The following DLC1 variants were observed in gnomAD, a reference collection of about 807,000 sequenced individuals.
The protein encoded by DLC1 is DLC1 Rho GTPase activating protein.
Under a neutral mutation model 140.3 loss-of-function variants are expected in DLC1, and 54 were observed. The observed-to-expected ratio is 0.38, with a 90% CI of 0.31 to 0.48. The LOEUF (loss-of-function observed/expected upper bound fraction) is 0.48, where lower values mean the gene tolerates loss of function less well. Ranked by LOEUF, DLC1 falls within the 20% of genes least tolerant of loss-of-function variation. DLC1 has a pLI of 0.96. For synonymous variants in DLC1, 986 were observed against 728.1 expected, an observed-to-expected ratio of 1.35 and a Z score of -5.70; for missense variants, 2,536 against 1,907.0, an observed-to-expected ratio of 1.33 and a Z score of -6.14.
intron 7 of DLC1, among the ~76,000 whole-genome samples, chr8:13,104,038 C>G (rs1819341099): frequency 6.6e-6 from 1 of 152,042 alleles, no homozygotes; most frequent in South Asian, 2.1e-4. Context: ...CTTGGACAGC[C>G]TGTCTAAAAT....
chr8:13,484,734 G>C (rs963131480), intron 2 of DLC1, among the ~76,000 whole-genome samples: 2 of 151,988 alleles, frequency 1.3e-5, no homozygotes, highest in Non-Finnish European at 2.9e-5. Flanking sequence ...GGCAGCAACA[G>C]TAGGCAAGGT....
At chr8:13,491,140 TA>T (rs1240432873) in intron 2 of DLC1, among the ~76,000 whole-genome samples, 2 of 149,762 alleles carry the variant, frequency 1.3e-5, no homozygotes, top group African/African-American at 2.4e-5. Context: ...TTTTTATATA[TA>T]TATAGCCTTA....
At chr8:13,529,059 A>G (rs1341589326) in intron 1 of DLC1, among the ~76,000 whole-genome samples, 3 of 152,232 alleles carry the variant, frequency 2.0e-5, no homozygotes, top group Non-Finnish European at 4.4e-5. Flanking sequence ...TTTATTACTC[A>G]ACGAGAAGAA....
At chr8:13,367,757 C>T (rs1247225389) in intron 4 of DLC1, among the ~76,000 whole-genome samples, 6 of 152,108 alleles carry the variant, frequency 3.9e-5, no homozygotes, top group African/African-American at 1.4e-4. Context: ...TGGTCAATTT[C>T]AGGATGAATT....
At chr8:13,208,958 C>T (rs1307255357) in intron 5 of DLC1, among the ~76,000 whole-genome samples, 2 of 152,066 alleles carry the variant, frequency 1.3e-5, no homozygotes, top group Non-Finnish European at 2.9e-5. Context: ...AATTGTATTC[C>T]ACACATGACT....
intron 1 of DLC1, among the ~76,000 whole-genome samples, chr8:13,602,864 A>G (rs1037161644): frequency 6.6e-6 from 1 of 151,934 alleles, no homozygotes; most frequent in African/African-American, 2.4e-5. Flanking sequence ...GTTTATTGAG[A>G]TGAAAGTATC....
chr8:13,577,932 G>A (rs934413775), intron 1 of DLC1, among the ~76,000 whole-genome samples: 2 of 152,048 alleles, frequency 1.3e-5, no homozygotes, highest in African/African-American at 4.8e-5. Flanking sequence ...CCTTGGATGT[G>A]CCACAGGAGG....
intron 4 of DLC1, among the ~76,000 whole-genome samples, chr8:13,312,360 CAAAAAA>C (rs777597726): frequency 5.0e-3 from 33 of 6,640 alleles, no homozygotes; most frequent in Non-Finnish European, 9.5e-3. Context: ...GACTCCGTCT[CAAAAAA>C]AAAAAAAAAA....
At chr8:13,601,019 G>A (rs1331502431) in intron 1 of DLC1, among the ~76,000 whole-genome samples, 1 of 151,442 alleles carries the variant, frequency 6.6e-6, no homozygotes, top group African/African-American at 2.4e-5. Context: ...TTTATTTTGA[G>A]TCTCATAAAC....
chr8:13,582,625 G>T (rs1805146676), intron 1 of DLC1, among the ~76,000 whole-genome samples: 1 of 151,804 alleles, frequency 6.6e-6, no homozygotes, highest in African/African-American at 2.4e-5. Context: ...TTGCTCTTTA[G>T]CCTGCAAACG....
intron 5 of DLC1, among the ~76,000 whole-genome samples, chr8:13,166,706 A>G (rs143578243): frequency 3.3e-3 from 502 of 152,098 alleles, no homozygotes; most frequent in African/African-American, 0.011. Context: ...AAATAAGCCA[A>G]CTTATTTAAA....
rs1801743364 is a variant in DLC1, at chr8:13,500,164, C to CA, written c.-94dup. ...GAAAGATTATTTCAAAATCACCAATCAAAGAAGCGAATGAGTTCTGTCATT... is the reference window on the plus strand; with the variant it reads ...GAAAGATTATTTCAAAATCACCAATCAAAAGAAGCGAATGAGTTCTGTCATT... On this transcript the variant is annotated 5_prime_UTR_variant, in exon 2 of 18. The change creates a premature stop within an existing upstream ORF in the 5' untranslated region. Coordinates refer to ENST00000276297, the MANE Select transcript of DLC1 (RefSeq NM_182643.3). The CA allele has an allele frequency of 8.4e-7, 1 of 1,185,658 alleles. No homozygotes were observed. The highest frequency in any genetic ancestry group is 2.3e-5 in the Admixed American group (1 of 43,446). 73.4% of individuals were successfully genotyped at this position (1,185,658 alleles called of 1,614,324 possible). A position where few individuals can be genotyped will look rare whatever the true frequency, so the allele number is the denominator to read the frequency against.
At chr8:13,366,331 C>T (rs769653298) in intron 4 of DLC1, among the ~76,000 whole-genome samples, 6 of 152,138 alleles carry the variant, frequency 3.9e-5, no homozygotes, top group Non-Finnish European at 5.9e-5. Flanking sequence ...ACATGCCTGG[C>T]GCTGTCCTAA....
chr8:13,353,523 C>G (rs997019113), intron 4 of DLC1: 1 of 152,008 alleles, frequency 6.6e-6, no homozygotes, highest in African/African-American at 2.4e-5. Context: ...AAATTTGTAA[C>G]CTATAATATC....
At chr8:13,368,109 A>G (rs963864339) in intron 4 of DLC1, among the ~76,000 whole-genome samples, 2 of 152,184 alleles carry the variant, frequency 1.3e-5, no homozygotes, top group African/African-American at 4.8e-5. Flanking sequence ...AATTTAATCC[A>G]GTAATATGTA....
chr8:13,405,662 G>T (rs1309643492), intron 2 of DLC1, among the ~76,000 whole-genome samples: 1 of 152,082 alleles, frequency 6.6e-6, no homozygotes, highest in Non-Finnish European at 1.5e-5. Context: ...TGGGTATCAT[G>T]AATTCTCTCC....
chr8:13,405,104 T>C (rs1212514899), intron 2 of DLC1, among the ~76,000 whole-genome samples: 1 of 152,176 alleles, frequency 6.6e-6, no homozygotes, highest in Non-Finnish European at 1.5e-5. Context: ...TTATTATTTA[T>C]GTTTGTAAAC....
chr8:13,357,250 A>C (rs1028557855), intron 4 of DLC1, among the ~76,000 whole-genome samples: 2 of 152,012 alleles, frequency 1.3e-5, no homozygotes, highest in Non-Finnish European at 2.9e-5. Flanking sequence ...CAGCCTGGGC[A>C]ACAGAGTGAG....
chr8:13,472,291 A>G (rs1431969146), intron 2 of DLC1, among the ~76,000 whole-genome samples: 6 of 152,342 alleles, frequency 3.9e-5, no homozygotes, highest in Non-Finnish European at 8.8e-5. Context: ...GCGTGTATAC[A>G]CACATATGTA....
Sources: allele counts gnomAD v4.1 joint callset (sites outside exome capture counted in the v4.1 genomes callset), GRCh38; gene constraint gnomAD v4.1.1; transcripts MANE v1.5; gene names NCBI Gene and HGNC (gene_info 2026-07-23, HGNC 2026-07-21).